TCF12: variants seen among roughly 807,000 people sequenced by gnomAD.
TCF12 encodes transcription factor 12.
In TCF12, 45 loss-of-function variants were observed where a neutral mutation model predicts 86.0. That is an observed-to-expected ratio of 0.52 (90% CI 0.41 to 0.67). The LOEUF is 0.67. Among genes scored for constraint, TCF12 ranks in the 30% least tolerant of loss-of-function variants. The pLI is 0.00. For synonymous variants in TCF12, 330 were observed against 299.6 expected (o/e 1.10, Z -1.05); for missense variants, 881 against 859.9 (o/e 1.02, Z -0.31).
chr15:56,967,682 A>C (rs1443671844), intron 3 of TCF12, among the ~76,000 whole-genome samples: 1 of 152,198 alleles, frequency 6.6e-6, no homozygotes, highest in Non-Finnish European at 1.5e-5. Context: ...TTCTGGTTTC[A>C]AGAAAAAATT....
At chr15:57,094,479 T>C (rs942466316) in intron 5 of TCF12, among the ~76,000 whole-genome samples, 1 of 152,198 alleles carries the variant, frequency 6.6e-6, no homozygotes, top group Non-Finnish European at 1.5e-5. Flanking sequence ...CAACTTGATA[T>C]GAGCTGAAGT....
chr15:57,164,660 T>C (rs1463128884), intron 5 of TCF12, among the ~76,000 whole-genome samples: 1 of 152,030 alleles, frequency 6.6e-6, no homozygotes, highest in Non-Finnish European at 1.5e-5. Flanking sequence ...GTGGGTATAG[T>C]CACAATAAGA....
intron 3 of TCF12, among the ~76,000 whole-genome samples, chr15:56,969,393 G>A (rs2140709460): frequency 6.6e-6 from 1 of 152,196 alleles, no homozygotes; most frequent in Non-Finnish European, 1.5e-5. Context: ...GAGGATCTTG[G>A]GCCCGTGCTA....
chr15:57,193,825 G>A (rs2057110219), intron 7 of TCF12, among the ~76,000 whole-genome samples: 1 of 152,276 alleles, frequency 6.6e-6, no homozygotes, highest in East Asian at 1.9e-4. Context: ...CTGATTAGAT[G>A]TGTCCACTTC....
intron 3 of TCF12, among the ~76,000 whole-genome samples, chr15:56,939,882 G>T (rs2140336197): frequency 6.6e-6 from 1 of 152,076 alleles, no homozygotes; most frequent in Middle Eastern, 3.4e-3. Context: ...AAGCCATGGA[G>T]GTTGTATGTG....
At chr15:56,977,351 G>A (rs2062663520) in intron 3 of TCF12, among the ~76,000 whole-genome samples, 1 of 152,002 alleles carries the variant, frequency 6.6e-6, no homozygotes, top group Admixed American at 6.6e-5. Context: ...TTGGCAACGT[G>A]GCAGAATCCC....
chr15:57,087,226 A>G lies in TCF12; in HGVS notation c.223-4563A>G, dbSNP rs115813745. Among the ~76,000 whole-genome samples the G allele has an allele frequency of 2.2e-3, 332 of 152,002 alleles. 2 individuals carry two copies. The highest frequency in any genetic ancestry group is 7.5e-3 in the African/African-American group (312 of 41,440). On this transcript the variant is annotated intron_variant, in intron 4 of 20. Coordinates refer to ENST00000333725, the MANE Select transcript of TCF12 (RefSeq NM_207037.2). ...CCAGGAATTCAAGACTAGCCTGGAC[A>G]ACATAGGAGACCCCATCTCGACAAA...
At chr15:57,113,966 A>T (rs1170641660) in intron 5 of TCF12, among the ~76,000 whole-genome samples, 1 of 151,916 alleles carries the variant, frequency 6.6e-6, no homozygotes, top group Non-Finnish European at 1.5e-5. Flanking sequence ...AAAAAGAAGA[A>T]AAAAAATAGT....
At chr15:57,189,518 A>C (rs1335291744) in intron 6 of TCF12, among the ~76,000 whole-genome samples, 5 of 152,302 alleles carry the variant, frequency 3.3e-5, no homozygotes, top group Admixed American at 6.5e-5. Context: ...GGGTTATGCG[A>C]ATCAAAACCA....
chr15:57,177,064 C>A (rs1712921533), intron 6 of TCF12, among the ~76,000 whole-genome samples: 2 of 151,792 alleles, frequency 1.3e-5, no homozygotes, highest in South Asian at 4.1e-4. Flanking sequence ...GGCCTACATG[C>A]ACACTAGTTG....
At chr15:57,149,290 TA>T (rs1471524213) in intron 5 of TCF12, among the ~76,000 whole-genome samples, 1 of 151,936 alleles carries the variant, frequency 6.6e-6, no homozygotes, top group East Asian at 1.9e-4. Flanking sequence ...GGCCAGGAAT[TA>T]AAGACCTACA....
At chr15:57,192,866 A>G (rs2057056757) in intron 7 of TCF12, among the ~76,000 whole-genome samples, 1 of 152,210 alleles carries the variant, frequency 6.6e-6, no homozygotes, top group South Asian at 2.1e-4. Flanking sequence ...ATAATTTTGG[A>G]TGACTGTTCA....
chr15:57,217,197 C>T (rs2058368208), intron 8 of TCF12, among the ~76,000 whole-genome samples: 1 of 152,110 alleles, frequency 6.6e-6, no homozygotes, highest in Non-Finnish European at 1.5e-5. Context: ...TTATGTTTCA[C>T]ATTCAGGTTT....
At chr15:57,038,678 A>T (rs904637974) in intron 3 of TCF12, among the ~76,000 whole-genome samples, 7 of 152,138 alleles carry the variant, frequency 4.6e-5, no homozygotes, top group Non-Finnish European at 8.8e-5. Context: ...AAGAAGCGAC[A>T]AGCCATAGAG....
At chr15:57,175,989 T>G (rs2055880945) in intron 6 of TCF12, among the ~76,000 whole-genome samples, 1 of 152,230 alleles carries the variant, frequency 6.6e-6, no homozygotes, top group African/African-American at 2.4e-5. Context: ...GGTAGACATC[T>G]ACTTTACTGG....
chr15:57,029,505 C>T (rs1297655333), intron 3 of TCF12, among the ~76,000 whole-genome samples: 2 of 152,060 alleles, frequency 1.3e-5, no homozygotes, highest in Admixed American at 1.3e-4. Flanking sequence ...TTTTACTATT[C>T]CTCCACCTTA....
chr15:57,021,236 G>C (rs556796147), intron 3 of TCF12, among the ~76,000 whole-genome samples: 9 of 152,326 alleles, frequency 5.9e-5, no homozygotes, highest in African/African-American at 2.2e-4. Context: ...ATGGGACCAA[G>C]AACTGGGGCA....
At chr15:57,080,557 C>T (rs978807639) in intron 4 of TCF12, among the ~76,000 whole-genome samples, 1 of 152,176 alleles carries the variant, frequency 6.6e-6, no homozygotes, top group Non-Finnish European at 1.5e-5. Context: ...TACTGCAGAA[C>T]GAATCACAGA....
At chr15:57,208,834 G>A (rs895350244) in intron 8 of TCF12, among the ~76,000 whole-genome samples, 5 of 151,936 alleles carry the variant, frequency 3.3e-5, no homozygotes, top group Non-Finnish European at 7.4e-5. Flanking sequence ...TCCCACCTCA[G>A]CCTCCTGAGT....
Sources: gnomAD v4.1 joint callset for allele counts (sites outside exome capture counted in the v4.1 genomes callset) on GRCh38, gnomAD v4.1.1 for gene constraint, MANE v1.5 for transcripts, NCBI Gene and HGNC (gene_info 2026-07-23, HGNC 2026-07-21) for gene names.